Variants in STAB1 observed in about 807,000 individuals in gnomAD.
STAB1 encodes the protein stabilin 1.
STAB1 carries 250 observed loss-of-function variants against 332.4 expected under a neutral mutation model. The observed-to-expected ratio is 0.75, with a 90% CI of 0.68 to 0.84. The LOEUF (loss-of-function observed/expected upper bound fraction) is 0.84. STAB1 is among the 40% of genes least tolerant of loss of function. STAB1 has a pLI of 0.00. For missense variants in STAB1, 3,249 were observed against 3,489.7 expected (o/e 0.93, Z 1.74); for synonymous variants, 1,475 against 1,390.4 (o/e 1.06, Z -1.35).
chr3:52,507,931 G>A lies in STAB1; in HGVS notation c.2053G>A (p.Asp685Asn), dbSNP rs562888025. 2.5e-6 allele frequency: 4 copies of A among 1,613,302 alleles called. No individual in the cohort carries two copies. In the African/African-American group the frequency reaches 5.3e-5, roughly 21 times the overall value. ...STCPPNSVKL[D>N]IFPKECVYIH... ...ACTGGCTTTGCATGGCCCACCCTAG[G>A]ACATCTTCCCCAAGGAGTGTGTCTA... The change falls in exon 20 of 69, where the codon GAC becomes AAC. Residue 685 changes from aspartate to asparagine, a missense_variant and splice_region_variant. Transcript: ENST00000321725.
chr3:52,509,358 A>G (rs760187838), intron 22 of STAB1, 37 bp downstream of exon 22: 6 of 1,587,052 alleles, frequency 3.8e-6, no homozygotes, highest in Admixed American at 1.7e-5. Context: ...CCTAGGGAGA[A>G]AAAACGTCTG....
At position 52,501,711 on chromosome 3, in the gene STAB1, CAGA is replaced by C; in HGVS notation, c.292_294del (p.Lys98del). ...ACGGAAGTGCCGGAAGCAAGTGGTG[CAGA>C]AGGCCTGCTGCCCTGGCTACTGGGG... On this transcript the variant is annotated inframe_deletion, in exon 3 of 69. Coordinates refer to ENST00000321725, the MANE Select transcript of STAB1 (RefSeq NM_015136.3). 1 of 1,579,702 alleles carries C rather than the reference CAGA, an allele frequency of 6.3e-7. No homozygotes were observed. The highest frequency in any genetic ancestry group is 8.6e-7 in the Non-Finnish European group (1 of 1,163,768).
intron 5 of STAB1, 150 bp from the exon 6 acceptor site, chr3:52,502,482 C>A: frequency 1.2e-6 from 1 of 812,880 alleles, no homozygotes; most frequent in Non-Finnish European, 2.0e-6. Context: ...TGGTCTCCCA[C>A]CACCCCTGTG....
At position 52,513,967 on chromosome 3, in the gene STAB1, C is replaced by T. The variant is rs745392116; in HGVS notation, c.3433C>T (p.Arg1145Trp). The T allele has an allele frequency of 5.3e-5, 85 of 1,601,890 alleles. No homozygotes were observed. Among genetic ancestry groups the T allele is most frequent in the South Asian group, 2.4e-4 (22 of 89,964 alleles). The change falls in exon 32 of 69, where the codon CGG (arginine) becomes TGG (tryptophan). Residue 1145 changes from arginine (R) to tryptophan (W), a missense_variant. Transcript: ENST00000321725. ...CTTGGTGCCTGCCTTCAGCCTCTTC[C>T]GGGAATTGCTGCAGGTACGGAAGGC... ...LDLVPAFSLF[R>W]ELLQHHGLVP...
chr3:52,501,119 T>TGG, intron 1 of STAB1, 47 bp from the exon 2 acceptor site: 2 of 1,596,964 alleles, frequency 1.3e-6, no homozygotes, highest in Non-Finnish European at 1.7e-6. Flanking sequence ...GGGTCAGGAC[T>TGG]GGGCGTGGGG....
In STAB1 at chr3:52,520,893, C is replaced by T. The variant is rs1389647462; in HGVS notation, c.5796C>T (p.His1932=). The change falls in exon 55 of 69, where the codon CAC becomes CAT. Residue 1932 remains histidine, a synonymous_variant. Coordinates refer to ENST00000321725, the MANE Select transcript of STAB1 (RefSeq NM_015136.3). The part of the protein sequence containing the change: ...HSLGLRSVWV[H]PSLWGRPQGL... Reference sequence around the variant, plus strand: ...TGGGATTACGCAGCGTCTGGGTCCACCCCAGCCTTTGGGGTAGGCCCCAAG... The same window carrying T: ...TGGGATTACGCAGCGTCTGGGTCCATCCCAGCCTTTGGGGTAGGCCCCAAG... 1.9e-6 allele frequency: 3 copies of T among 1,610,582 alleles called. No individual in the cohort carries two copies. The highest frequency in any genetic ancestry group is 1.7e-5 in the Admixed American group (1 of 59,782).
Position 52,523,880 on chromosome 3 carries a change from C to T in STAB1, c.7405C>T (p.Leu2469=). 1 of 1,602,944 alleles carries T rather than the reference C, an allele frequency of 6.2e-7. No individual in the cohort carries two copies. Residue 2469 remains leucine (L), a synonymous_variant, in exon 67 of 69, where the codon CTG becomes TTG. Coordinates refer to ENST00000321725, the MANE Select transcript of STAB1 (RefSeq NM_015136.3). ...LLAPPQPQAV[L]APEAPPVAAG... ...CCCTGTTTGTTTGTAGCAGGCAGTG[C>T]TGGCGCCTGAAGCCCCACCTGTGGC...
Position 52,521,674 on chromosome 3 carries a change from C to G in STAB1, c.6137C>G (p.Thr2046Ser), listed in dbSNP as rs537881994. ...SGSCFCDEGWTGPRCEVQLEL... is the reference protein window; with the variant it reads ...SGSCFCDEGWSGPRCEVQLEL... ...TCCTGCTTCTGTGATGAAGGCTGGA[C>G]TGGGCCACGCTGTGAGGTGCAACTG... Residue 2046 changes from threonine to serine, a missense_variant, in exon 57 of 69, where the codon ACT becomes AGT. Physicochemically the swap from Thr to Ser is moderately conservative, Grantham distance 58 (BLOSUM62 1). Transcript: ENST00000321725. 108 of 1,612,804 alleles carry G rather than the reference C, an allele frequency of 6.7e-5. No individual in the cohort carries two copies. The highest frequency in any genetic ancestry group is 9.1e-5 in the Non-Finnish European group (107 of 1,179,870).
chr3:52,506,941 A>T, intron 18 of STAB1, 91 bp downstream of exon 18: 12 of 1,539,936 alleles, frequency 7.8e-6, no homozygotes, highest in Non-Finnish European at 1.1e-5. Flanking sequence ...GCGCTAAGTC[A>T]GGGCTGGGCT....
At chr3:52,522,747 G>A in intron 61 of STAB1, 28 bp from the exon 62 acceptor site, 1 of 1,612,722 alleles carries the variant, frequency 6.2e-7, no homozygotes, top group African/African-American at 1.3e-5. Flanking sequence ...TGGGTCTTGG[G>A]TCTTAGTATC....
chr3:52,513,617 G>GTGGGTGCC, intron 30 of STAB1, 100 bp from the exon 31 acceptor site: 1 of 1,250,640 alleles, frequency 8.0e-7, no homozygotes. Context: ...CGGACCACCT[G>GTGGGTGCC]TGGGTGCCTG....
At position 52,516,562 on chromosome 3, in the gene STAB1, C is replaced by A; in HGVS notation, c.4261C>A (p.Pro1421Thr). The change falls in exon 40 of 69, where the codon CCT (proline) becomes ACT (threonine). Residue 1421 changes from proline (P) to threonine (T), a missense_variant. Transcript: ENST00000321725. ...CDQKITSPQC[P>T]RKCDPNANCV... ...CCCAGAAATCACCAGCCCTCAGTGC[C>A]CTAGGAAGTGCGACCCCAATGCCAA... 6.2e-7 allele frequency: 1 copy of A among 1,613,224 alleles called. No individual in the cohort carries two copies. The highest frequency in any genetic ancestry group is 8.5e-7 in the Non-Finnish European group (1 of 1,180,000).
rs1458735844 is a variant in STAB1, at chr3:52,505,364, T to G, written c.1564T>G (p.Phe522Val). 1 of 1,613,632 alleles carries G rather than the reference T, an allele frequency of 6.2e-7. No individual in the cohort carries two copies. Among genetic ancestry groups the G allele is most frequent in the Admixed American group, 1.7e-5 (1 of 60,018 alleles). ...CGCCTCTACCGAGGCCTTCAGCCGC[T>G]TTGAAACCATCCTGGAGGTAAGCTC... ...ILASTEAFSRFETILENCGLP... is the reference protein window; with the variant it reads ...ILASTEAFSRVETILENCGLP... Residue 522 changes from phenylalanine to valine, a missense_variant, in exon 14 of 69, where the codon TTT (phenylalanine) becomes GTT (valine). Transcript: ENST00000321725.
At chr3:52,495,561 G>A (rs1707948586) in intron 1 of STAB1, 70 bp downstream of exon 1, 2 of 1,233,420 alleles carry the variant, frequency 1.6e-6, no homozygotes, top group African/African-American at 1.6e-5. Flanking sequence ...AACAGGGAGG[G>A]ACTGACATGG....
chr3:52,523,304 T>C lies in STAB1; in HGVS notation c.7103T>C (p.Leu2368Pro), dbSNP rs2079143875. 1 of 1,612,160 alleles carries C rather than the reference T, an allele frequency of 6.2e-7. No homozygotes were observed. The highest frequency in any genetic ancestry group is 8.5e-7 in the Non-Finnish European group (1 of 1,180,014). Residue 2368 changes from leucine (L) to proline (P), a missense_variant, in exon 64 of 69, where the codon CTC becomes CCC. Physicochemically the swap from Leu to Pro is moderately conservative, Grantham distance 98. Coordinates refer to ENST00000321725, the MANE Select transcript of STAB1 (RefSeq NM_015136.3). ...FLDDELTYKTLFVPVNEGFVD... is the reference protein window; with the variant it reads ...FLDDELTYKTPFVPVNEGFVD... ...GATGATGAGCTCACGTATAAGACAC[T>C]CTTCGTCCCTGTCAATGAAGGCTTT...
chr3:52,517,233 G>A (rs2078900096), intron 42 of STAB1, 87 bp from the exon 43 acceptor site: 3 of 1,480,374 alleles, frequency 2.0e-6, no homozygotes, highest in Admixed American at 4.7e-5. Context: ...GCTGAGAGAG[G>A]AGGGGGTGGG....
intron 18 of STAB1, among the ~76,000 whole-genome samples, 160 bp from the exon 19 acceptor site, chr3:52,507,453 C>A (rs560752747): frequency 6.6e-6 from 1 of 152,360 alleles, no homozygotes; most frequent in East Asian, 1.9e-4. Context: ...CGGCTCGGGG[C>A]CTCTGCCCCT....
rs1181448538 is a variant in STAB1, at chr3:52,519,320, G to A, written c.5091G>A (p.Val1697=). Residue 1697 remains valine (V), a synonymous_variant, in exon 49 of 69, where the codon GTG becomes GTA. Coordinates refer to ENST00000321725, the MANE Select transcript of STAB1 (RefSeq NM_015136.3). ...TGGTGAGCAGCGACCATGAGGCCGT[G>A]AACGGCATCCTGCACTTCATTGACC... The part of the protein sequence containing the change: ...ARVVSSDHEA[V]NGILHFIDRV... The A allele has an allele frequency of 1.2e-6, 2 of 1,613,144 alleles. No homozygotes were observed. The highest frequency in any genetic ancestry group is 1.3e-5 in the African/African-American group (1 of 75,062).
intron 37 of STAB1, 22 bp downstream of exon 37, chr3:52,515,528 C>T (rs1477731962): frequency 6.2e-7 from 1 of 1,611,884 alleles, no homozygotes; most frequent in South Asian, 1.1e-5. Context: ...AGCCCCCACC[C>T]CAAGCCTGTC....
Sources: allele counts gnomAD v4.1 joint callset (sites outside exome capture counted in the v4.1 genomes callset), GRCh38; gene constraint gnomAD v4.1.1; transcripts MANE v1.5; gene names NCBI Gene and HGNC (gene_info 2026-07-23, HGNC 2026-07-21).